Variants in TENM2 observed in about 807,000 individuals in gnomAD.
TENM2 encodes teneurin-2.
A neutral mutation model predicts 245.2 loss-of-function variants in TENM2; 52 were observed. The ratio of observed to expected loss-of-function variants is 0.21; its 90% CI spans 0.17 to 0.27. TENM2 has a LOEUF of 0.27. TENM2 is among the 10% of genes least tolerant of loss of function. The pLI is 1.00. For missense variants in TENM2, 3,046 were observed against 3,666.8 expected, an observed-to-expected ratio of 0.83 and a Z score of 4.37; for synonymous variants, 1,363 against 1,438.9, an observed-to-expected ratio of 0.95 and a Z score of 1.19.
chr5:167,704,209 TC>T (rs944510896), intron 2 of TENM2, among the ~76,000 whole-genome samples: 2 of 152,170 alleles, frequency 1.3e-5, no homozygotes, highest in African/African-American at 4.8e-5. Flanking sequence ...ATGCATCTTC[TC>T]CACTTACCTT....
chr5:167,919,262 G>A lies in TENM2; in HGVS notation c.713-33326G>A, dbSNP rs144740478. ...GAGCAGTCATTTTGCACCGCCATCC[G>A]CCTACAGAGGTTGTGCTGTCGAGAG... On this transcript the variant is annotated intron_variant, in intron 3 of 28. Coordinates refer to ENST00000518659, the Ensembl canonical transcript of TENM2. Among the ~76,000 whole-genome samples the A allele has an allele frequency of 4.0e-3, 606 of 152,254 alleles. 4 individuals carry two copies. The highest frequency in any genetic ancestry group is 0.013 in the African/African-American group (553 of 41,554).
chr5:168,144,950 A>T (rs1159205145), intron 12 of TENM2, among the ~76,000 whole-genome samples: 4 of 151,144 alleles, frequency 2.6e-5, no homozygotes, highest in African/African-American at 7.3e-5. Context: ...GCATTTTTTC[A>T]TGTGTTTTTT....
the TENM2 span, among the ~76,000 whole-genome samples, chr5:167,040,864 C>T: frequency 6.6e-6 from 1 of 152,122 alleles, no homozygotes; most frequent in Non-Finnish European, 1.5e-5. Context: ...TAGAACTATA[C>T]TCCTGCAGTT....
chr5:167,801,702 T>G (rs535190217), intron 2 of TENM2, among the ~76,000 whole-genome samples: 1 of 152,160 alleles, frequency 6.6e-6, no homozygotes, highest in South Asian at 2.1e-4. Flanking sequence ...TCCTGAGAGA[T>G]GGCCAGGAAT....
chr5:167,400,101 G>A (rs905191073), intron 2 of TENM2, among the ~76,000 whole-genome samples: 22 of 152,144 alleles, frequency 1.4e-4, no homozygotes, highest in Admixed American at 1.1e-3. Flanking sequence ...GTGGGTCACC[G>A]AAGGTTATTA....
chr5:167,530,593 CA>C (rs1438124390), intron 2 of TENM2, among the ~76,000 whole-genome samples: 9 of 152,194 alleles, frequency 5.9e-5, no homozygotes, highest in African/African-American at 2.2e-4. Flanking sequence ...CCCCTGCTGT[CA>C]AAATGGGCTC....
chr5:167,611,821 G>A (rs1052469251), intron 2 of TENM2, among the ~76,000 whole-genome samples: 3 of 151,852 alleles, frequency 2.0e-5, no homozygotes, highest in Non-Finnish European at 2.9e-5. Context: ...CTTCTATAAC[G>A]GCACTAATTC....
At chr5:167,360,513 G>T (rs908564287) in intron 1 of TENM2, among the ~76,000 whole-genome samples, 1 of 152,006 alleles carries the variant, frequency 6.6e-6, no homozygotes, top group Non-Finnish European at 1.5e-5. Flanking sequence ...GCTCCCATAT[G>T]GTAGGCTGTC....
At chr5:167,779,946 C>T (rs1764076364) in intron 2 of TENM2, among the ~76,000 whole-genome samples, 1 of 152,126 alleles carries the variant, frequency 6.6e-6, no homozygotes, top group Non-Finnish European at 1.5e-5. Context: ...TTCAATGTAC[C>T]AAATGTTCTA....
chr5:167,385,252 G>A (rs1320463143), intron 2 of TENM2, among the ~76,000 whole-genome samples: 1 of 151,962 alleles, frequency 6.6e-6, no homozygotes, highest in African/African-American at 2.4e-5. Context: ...GCTTCTTCAT[G>A]AGTCATATTC....
chr5:167,032,659 G>T, the TENM2 span, among the ~76,000 whole-genome samples: 2 of 152,080 alleles, frequency 1.3e-5, no homozygotes. Flanking sequence ...TATGGGAATC[G>T]TGCAATGAAA....
At chr5:168,080,278 C>T (rs990044725) in intron 7 of TENM2, among the ~76,000 whole-genome samples, 11 of 152,206 alleles carry the variant, frequency 7.2e-5, no homozygotes, top group African/African-American at 2.6e-4. Flanking sequence ...ATGGTGATAT[C>T]CCCTTTATCA....
intron 2 of TENM2, among the ~76,000 whole-genome samples, chr5:167,443,507 G>A (rs904494159): frequency 5.9e-5 from 9 of 152,194 alleles, no homozygotes; most frequent in Non-Finnish European, 1.0e-4. Flanking sequence ...GGAACCTGCC[G>A]TAGACTTCAT....
chr5:167,297,395 C>G (rs1755004222), intron 1 of TENM2: 2 of 152,162 alleles, frequency 1.3e-5, no homozygotes, highest in South Asian at 4.1e-4. Context: ...TGGACTGATT[C>G]TTCTGGCACC....
intron 25 of TENM2, among the ~76,000 whole-genome samples, chr5:168,234,794 A>T (rs1364471984): frequency 6.6e-6 from 1 of 152,248 alleles, no homozygotes. Flanking sequence ...TGTGATTTAC[A>T]TAGAGATTGC....
chr5:168,043,832 C>T (rs887798489), intron 5 of TENM2, among the ~76,000 whole-genome samples: 4 of 152,158 alleles, frequency 2.6e-5, no homozygotes, highest in African/African-American at 9.7e-5. Context: ...TAACCCCTCT[C>T]GGGAAGGGGT....
chr5:167,591,167 G>A (rs755507686), intron 2 of TENM2, among the ~76,000 whole-genome samples: 6 of 152,080 alleles, frequency 3.9e-5, no homozygotes, highest in Non-Finnish European at 8.8e-5. Context: ...GCAAAGAAAG[G>A]GTTCCTTGGT....
chr5:167,164,134 T>C, the TENM2 span, among the ~76,000 whole-genome samples: 1 of 152,138 alleles, frequency 6.6e-6, no homozygotes, highest in Non-Finnish European at 1.5e-5. Flanking sequence ...ACATCTCTCA[T>C]CTCAGTTTTC....
chr5:167,774,317 A>G (rs1328345130), intron 2 of TENM2, among the ~76,000 whole-genome samples: 3 of 152,178 alleles, frequency 2.0e-5, no homozygotes, highest in African/African-American at 7.2e-5. Flanking sequence ...GCTTCTTGAG[A>G]TAAAATATGA....
Sources: gnomAD v4.1 joint callset for allele counts (sites outside exome capture counted in the v4.1 genomes callset) on GRCh38, gnomAD v4.1.1 for gene constraint, MANE v1.5 for transcripts, NCBI Gene and HGNC (gene_info 2026-07-23, HGNC 2026-07-21) for gene names.